DDX46: variants seen among roughly 807,000 people sequenced by gnomAD.
DDX46 encodes DEAD-box helicase 46, also known as probable ATP-dependent RNA helicase DDX46.
In DDX46, 30 loss-of-function variants were observed where a neutral mutation model predicts 134.9. The observed-to-expected ratio is 0.22, with a 90% confidence interval of 0.17 to 0.30. DDX46 has a LOEUF of 0.30. Ranked by LOEUF, DDX46 falls within the 10% of genes least tolerant of loss-of-function variation. The pLI is 1.00. For synonymous variants in DDX46, 415 were observed against 404.1 expected (o/e 1.03, Z -0.32); for missense variants, 622 against 1,248.7 (o/e 0.50, Z 7.56).
At chr5:134,773,994 T>C in intron 5 of DDX46, 133 bp downstream of exon 5, 1 of 974,450 alleles carries the variant, frequency 1.0e-6, no homozygotes, top group Admixed American at 3.4e-5. Context: ...TTTTCATCAT[T>C]TTCAGGTTTC....
intron 15 of DDX46, chr5:134,804,668 T>C (rs1440156226): frequency 4.8e-6 from 1 of 207,380 alleles, no homozygotes; most frequent in Non-Finnish European, 9.9e-6. Flanking sequence ...TAATAAATTA[T>C]TTTATTGTTC....
At chr5:134,804,788 G>T in intron 15 of DDX46, 3 of 375,332 alleles carry the variant, frequency 8.0e-6, no homozygotes, top group South Asian at 4.7e-5. Context: ...TTAGCTCTCT[G>T]ACTCTGTGCT....
At chr5:134,773,461 T>C (rs942117847) in intron 4 of DDX46, among the ~76,000 whole-genome samples, 11 of 152,208 alleles carry the variant, frequency 7.2e-5, no homozygotes, top group African/African-American at 2.4e-4. Context: ...GAAATCTATC[T>C]TTTGGCTTTC....
chr5:134,769,890 T>G (rs1484131676), intron 3 of DDX46, among the ~76,000 whole-genome samples: 1 of 152,118 alleles, frequency 6.6e-6, no homozygotes, highest in Non-Finnish European at 1.5e-5. Flanking sequence ...CTCGATCTCC[T>G]GACCTCGTGA....
At chr5:134,777,951 C>G (rs1201243906) in intron 6 of DDX46, 8 of 400,250 alleles carry the variant, frequency 2.0e-5, no homozygotes, top group Non-Finnish European at 3.0e-5. Flanking sequence ...AGTTTGATAT[C>G]TTTGCTTACA....
In DDX46 at chr5:134,830,578, TAGGG is replaced by T. The variant is rs1755712830; in HGVS notation, c.*1875_*1878del. 2 of 152,392 alleles carry T rather than the reference TAGGG, an allele frequency of 1.3e-5. No homozygotes were observed. The highest frequency in any genetic ancestry group is 3.9e-4 in the East Asian group (2 of 5,194). The allele number at this position is 152,392 out of a possible 1,614,324, so 9.4% of individuals were successfully genotyped here. ...ATAGTATATTCAGTGGCTGAAGTGATAGGGAGTATTAATCATTATTTCTTCAGTA... is the reference window on the plus strand; with the variant it reads ...ATAGTATATTCAGTGGCTGAAGTGATAGTATTAATCATTATTTCTTCAGTA... On this transcript the variant is annotated 3_prime_UTR_variant, in exon 23 of 23. Transcript: ENST00000452510.
rs1258493366 is a variant in DDX46, at chr5:134,817,444, A to G, written c.2614-52A>G. ...GAGAATAATTTGTGGTGTGGTCCCTACTCTTGTCTCTGCCCTCATTTGAGA... is the reference window on the plus strand; with the variant it reads ...GAGAATAATTTGTGGTGTGGTCCCTGCTCTTGTCTCTGCCCTCATTTGAGA... On this transcript the variant is annotated intron_variant, in intron 19 of 22. Coordinates refer to ENST00000452510, the MANE Select transcript of DDX46 (RefSeq NM_001300860.2). 3.8e-6 allele frequency: 6 copies of G among 1,559,852 alleles called. No homozygotes were observed. The East Asian group carries it at 6.8e-5, about 18-fold the overall frequency.
At chr5:134,812,888 T>C (rs1237588242) in intron 18 of DDX46, among the ~76,000 whole-genome samples, 1 of 152,192 alleles carries the variant, frequency 6.6e-6, no homozygotes, top group African/African-American at 2.4e-5. Context: ...TCCACCTGCC[T>C]TGGCCTCCCA....
intron 5 of DDX46, among the ~76,000 whole-genome samples, chr5:134,775,068 C>G (rs1461468005): frequency 6.6e-6 from 1 of 152,094 alleles, no homozygotes; most frequent in Non-Finnish European, 1.5e-5. Flanking sequence ...GATCCTCCCA[C>G]TTTGGCCTCC....
Position 134,773,725 on chromosome 5 carries a change from A to G in DDX46, c.477A>G (p.Glu159=), listed in dbSNP as rs754381622. The change falls in exon 5 of 23, where the codon GAA becomes GAG. Residue 159 remains glutamate (E), a synonymous_variant. Coordinates refer to ENST00000452510, the MANE Select transcript of DDX46 (RefSeq NM_001300860.2). ...GNFDQNKLEE[E]MRKRKERVEK... Reference sequence around the variant, plus strand: ...TTGACCAGAATAAGCTGGAAGAAGAAATGAGAAAGCGAAAAGAAAGAGTAG... The same window carrying G: ...TTGACCAGAATAAGCTGGAAGAAGAGATGAGAAAGCGAAAAGAAAGAGTAG... The G allele has an allele frequency of 6.2e-7, 1 of 1,610,514 alleles. No individual in the cohort carries two copies. The highest frequency in any genetic ancestry group is 8.5e-7 in the Non-Finnish European group (1 of 1,178,214).
In DDX46 at chr5:134,807,793, A is replaced by G. The variant is rs762962631; in HGVS notation, c.2000A>G (p.Asn667Ser). 4.3e-6 allele frequency: 7 copies of G among 1,614,076 alleles called. No homozygotes were observed. The East Asian group carries it at 1.6e-4, about 36-fold the overall frequency. The change falls in exon 16 of 23, where the codon AAT (asparagine) becomes AGT (serine). Residue 667 changes from asparagine to serine, a missense_variant. Around this residue, in one of 8 missense-constraint regions of DDX46, gnomAD observed 209 missense variants for 508.4 expected, o/e 0.41. Coordinates refer to ENST00000452510, the MANE Select transcript of DDX46 (RefSeq NM_001300860.2). ...GATAGCATCATAAATGACTTTAAGA[A>G]TGGGACCTGCAAACTTCTTGTGGCT... is the stretch of plus-strand genomic sequence containing the variant. ...DRDSIINDFKNGTCKLLVATS... is the reference protein window; with the variant it reads ...DRDSIINDFKSGTCKLLVATS...
intron 21 of DDX46, 39 bp from the exon 22 acceptor site, chr5:134,826,908 T>G (rs1755606833): frequency 6.3e-7 from 1 of 1,596,432 alleles, no homozygotes; most frequent in Non-Finnish European, 8.5e-7. Context: ...CAGTGTAAGT[T>G]TAGTAATTTG....
At chr5:134,826,249 T>G (rs1052273679) in intron 21 of DDX46, 1 of 152,236 alleles carries the variant, frequency 6.6e-6, no homozygotes, top group African/African-American at 2.4e-5. Flanking sequence ...GTTATTTATA[T>G]GTTAAATGTC....
intron 17 of DDX46, 136 bp downstream of exon 17, chr5:134,811,494 A>G: frequency 1.6e-6 from 2 of 1,269,490 alleles, no homozygotes; most frequent in Non-Finnish European, 2.1e-6. Context: ...AGAGGGAAAA[A>G]TGAGTGAAAG....
At chr5:134,819,517 T>G (rs1755383138) in intron 21 of DDX46, among the ~76,000 whole-genome samples, 1 of 152,174 alleles carries the variant, frequency 6.6e-6, no homozygotes, top group African/African-American at 2.4e-5. Flanking sequence ...ATGAATGAAT[T>G]CATTCCAGAG....
chr5:134,781,214 G>GA lies in DDX46; in HGVS notation c.848dup (p.Leu284AlafsTer5). 1 of 1,605,146 alleles carries GA rather than the reference G, an allele frequency of 6.2e-7. No individual in the cohort carries two copies. ...TGTGGATTCTGATAAGAAGAAAGGT[G>GA]AGCTGATGGAGAATGACCAGGATGC... is the stretch of plus-strand genomic sequence containing the variant. On this transcript the variant is annotated frameshift_variant, in exon 7 of 23. Coordinates refer to ENST00000452510, the MANE Select transcript of DDX46 (RefSeq NM_001300860.2). LOFTEE classifies it high-confidence loss of function.
chr5:134,786,076 T>C (rs1208093174), intron 11 of DDX46, among the ~76,000 whole-genome samples: 1 of 152,144 alleles, frequency 6.6e-6, no homozygotes, highest in Non-Finnish European at 1.5e-5. Context: ...CTTGAACACC[T>C]GACCTCAGGT....
intron 11 of DDX46, among the ~76,000 whole-genome samples, chr5:134,786,039 G>A (rs1021274092): frequency 6.6e-6 from 1 of 151,988 alleles, no homozygotes; most frequent in African/African-American, 2.4e-5. Flanking sequence ...AGTAGAGACG[G>A]GGTTTCACCA....
intron 11 of DDX46, among the ~76,000 whole-genome samples, chr5:134,786,718 G>T (rs1359554271): frequency 6.6e-6 from 1 of 152,150 alleles, no homozygotes; most frequent in African/African-American, 2.4e-5. Context: ...GGTGGCGCCT[G>T]CCTGTAATAT....
Sources: gnomAD v4.1 joint callset for allele counts (sites outside exome capture counted in the v4.1 genomes callset) on GRCh38, gnomAD v4.1.1 for gene constraint, gnomAD v4.1.1 regional missense constraint, MANE v1.5 for transcripts, NCBI Gene and HGNC (gene_info 2026-07-23, HGNC 2026-07-21) for gene names.